Variants in CNTN5 observed in about 807,000 individuals in gnomAD.
CNTN5 encodes the protein contactin 5.
Under a neutral mutation model 129.1 loss-of-function variants are expected in CNTN5, and 77 were observed. That is an observed-to-expected ratio of 0.60 (90% confidence interval 0.50 to 0.72). The LOEUF (loss-of-function observed/expected upper bound fraction) is 0.72. CNTN5 is among the 30% of genes least tolerant of loss of function. The pLI, the probability that CNTN5 is intolerant of heterozygous loss-of-function variation, is 0.00. For synonymous variants in CNTN5, 509 were observed against 465.6 expected, an observed-to-expected ratio of 1.09 and a Z score of -1.20; for missense variants, 1,478 against 1,328.8, an observed-to-expected ratio of 1.11 and a Z score of -1.75.
intron 3 of CNTN5, among the ~76,000 whole-genome samples, chr11:99,799,003 G>A (rs754162474): frequency 1.3e-5 from 2 of 151,878 alleles, no homozygotes; most frequent in Non-Finnish European, 2.9e-5. Context: ...GATATTCCTA[G>A]GTATTTTATT....
intron 1 of CNTN5, among the ~76,000 whole-genome samples, chr11:99,203,779 A>G (rs1859338372): frequency 6.6e-6 from 1 of 152,000 alleles, no homozygotes; most frequent in African/African-American, 2.4e-5. Flanking sequence ...TTGTATTTTT[A>G]GTAGAGATGG....
At chr11:100,261,578 T>C (rs952482963) in intron 17 of CNTN5, among the ~76,000 whole-genome samples, 1 of 152,182 alleles carries the variant, frequency 6.6e-6, no homozygotes, top group African/African-American at 2.4e-5. Flanking sequence ...CAAAACAGCA[T>C]GGTACTGGTA....
Position 99,845,275 on chromosome 11 carries a change from T to G in CNTN5, c.577+13T>G. The stretch of plus-strand genomic sequence containing the variant: ...CTGCAGTTTGCCTGTGAGTAAAATA[T>G]ATGATTTTTCTATATATATGTATAT... On this transcript the variant is annotated intron_variant, in intron 6 of 24. Transcript: ENST00000524871. 8 of 1,580,884 alleles carry G rather than the reference T, an allele frequency of 5.1e-6. No homozygotes were observed. Among genetic ancestry groups the G allele is most frequent in the Non-Finnish European group, 6.9e-6 (8 of 1,157,670 alleles).
chr11:100,243,967 T>A (rs1212622254), intron 16 of CNTN5, among the ~76,000 whole-genome samples: 2 of 152,194 alleles, frequency 1.3e-5, no homozygotes, highest in Non-Finnish European at 2.9e-5. Context: ...GCCAATATTC[T>A]TCCAATTTAT....
At chr11:99,250,328 C>A (rs1413313851) in intron 1 of CNTN5, among the ~76,000 whole-genome samples, 1 of 151,908 alleles carries the variant, frequency 6.6e-6, no homozygotes, top group African/African-American at 2.4e-5. Context: ...CATTACTTGA[C>A]ATTATAAATT....
intron 18 of CNTN5, among the ~76,000 whole-genome samples, chr11:100,279,926 T>TA (rs1490857854): frequency 1.6e-5 from 2 of 121,380 alleles, no homozygotes; most frequent in African/African-American, 5.7e-5. Context: ...TTTTTTTTTT[T>TA]AATGATTTAG....
At chr11:99,555,319 A>T (rs375285024) in intron 2 of CNTN5, among the ~76,000 whole-genome samples, 8 of 152,128 alleles carry the variant, frequency 5.3e-5, no homozygotes, top group African/African-American at 1.9e-4. Flanking sequence ...CGCCAAGGAG[A>T]ACATAGCTGA....
intron 3 of CNTN5, among the ~76,000 whole-genome samples, chr11:99,576,297 C>T (rs1287972404): frequency 3.4e-4 from 51 of 152,068 alleles, no homozygotes; most frequent in Non-Finnish European, 1.5e-5. Context: ...ATATGGAATG[C>T]TGAAGACCCA....
intron 3 of CNTN5, among the ~76,000 whole-genome samples, chr11:99,702,557 T>C (rs1421030214): frequency 6.6e-6 from 1 of 151,026 alleles, no homozygotes; most frequent in African/African-American, 2.4e-5. Flanking sequence ...ATTCTTTTTC[T>C]AATTGAAAAC....
intron 7 of CNTN5, among the ~76,000 whole-genome samples, chr11:99,925,383 G>A (rs780947439): frequency 3.3e-5 from 5 of 152,180 alleles, no homozygotes; most frequent in South Asian, 2.1e-4. Context: ...GCTATATAGC[G>A]AAGCTTAATC....
chr11:99,495,835 C>A (rs978541824), intron 2 of CNTN5, among the ~76,000 whole-genome samples: 1 of 152,032 alleles, frequency 6.6e-6, no homozygotes, highest in Middle Eastern at 3.4e-3. Context: ...AAGTGCAGAG[C>A]GAGACTTGAA....
At position 99,095,519 on chromosome 11, in the gene CNTN5, G is replaced by T. The variant is rs141261052; in HGVS notation, c.-210+74249G>T. ...TACTAGCATTTACGGTAGCTCTTGA[G>T]TGATGAGTGGAATGCCAGCTAAGAA... On this transcript the variant is annotated intron_variant, in intron 1 of 24. Coordinates refer to ENST00000524871, the MANE Select transcript of CNTN5 (RefSeq NM_014361.4). 1.3e-3 allele frequency among the ~76,000 whole-genome samples: 194 copies of T among 151,982 alleles called. 1 individual carries two copies. Among genetic ancestry groups the T allele is most frequent in the African/African-American group, 4.4e-3 (183 of 41,530 alleles).
chr11:99,469,913 C>T (rs916755852), intron 2 of CNTN5, among the ~76,000 whole-genome samples: 1 of 152,030 alleles, frequency 6.6e-6, no homozygotes, highest in African/African-American at 2.4e-5. Context: ...TAATAATCAT[C>T]ATCATAAGAA....
At chr11:99,056,166 AACTTATTC>A (rs1487606741) in intron 1 of CNTN5, among the ~76,000 whole-genome samples, 15 of 151,894 alleles carry the variant, frequency 9.9e-5, no homozygotes, top group African/African-American at 3.1e-4. Context: ...TCAAACTATA[AACTTATTC>A]ACTGGTAAGC....
At chr11:99,641,147 C>CT (rs1156573963) in intron 3 of CNTN5, among the ~76,000 whole-genome samples, 1 of 152,150 alleles carries the variant, frequency 6.6e-6, no homozygotes, top group Non-Finnish European at 1.5e-5. Context: ...ATCGGATAAT[C>CT]TTTTTCCAAC....
At chr11:100,044,969 T>C (rs1488202765) in intron 9 of CNTN5, among the ~76,000 whole-genome samples, 5 of 152,092 alleles carry the variant, frequency 3.3e-5, no homozygotes, top group African/African-American at 1.2e-4. Context: ...GGTTTTTGTT[T>C]TTGTTTTCTT....
intron 2 of CNTN5, among the ~76,000 whole-genome samples, chr11:99,328,896 A>T (rs1168277618): frequency 7.2e-6 from 1 of 139,024 alleles, no homozygotes; most frequent in Admixed American, 7.0e-5. Flanking sequence ...AAAGAAAAAA[A>T]ACAGGAAAAA....
At chr11:99,628,427 T>A (rs1473898390) in intron 3 of CNTN5, among the ~76,000 whole-genome samples, 1 of 152,074 alleles carries the variant, frequency 6.6e-6, no homozygotes. Flanking sequence ...AAGCATCTGT[T>A]ATTCCTGAGA....
intron 13 of CNTN5, among the ~76,000 whole-genome samples, chr11:100,177,091 T>C (rs1199385225): frequency 6.6e-6 from 1 of 151,924 alleles, no homozygotes; most frequent in Non-Finnish European, 1.5e-5. Context: ...ATTTTAGAAA[T>C]TAAATCCTGA....
Sources: allele counts gnomAD v4.1 joint callset (sites outside exome capture counted in the v4.1 genomes callset), GRCh38; gene constraint gnomAD v4.1.1; transcripts MANE v1.5; gene names NCBI Gene and HGNC (gene_info 2026-07-23, HGNC 2026-07-21).